HOXC4: variants seen among roughly 807,000 people sequenced by gnomAD.
HOXC4 encodes the protein homeobox protein Hox-C4.
Under a neutral mutation model 25.5 loss-of-function variants are expected in HOXC4, and 15 were observed. That is an observed-to-expected ratio of 0.59 (90% CI 0.39 to 0.91). HOXC4 has a LOEUF of 0.91. Among genes scored for constraint, HOXC4 ranks in the 40% least tolerant of loss-of-function variants. The probability of loss-of-function intolerance (pLI) is 0.00; values close to 1 mark genes in which losing one functional copy is unlikely to be tolerated. For synonymous variants in HOXC4, 165 were observed against 148.0 expected (o/e 1.11, Z -0.83); for missense variants, 342 against 352.4 (o/e 0.97, Z 0.24).
intron 1 of HOXC4, chr12:54,028,345 A>AT (rs150694870): frequency 0.042 from 25,539 of 612,648 alleles, 696 homozygotes; most frequent in Middle Eastern, 0.076. Context: ...AGCAGAAGCG[A>AT]TTTTTTTCCC....
chr12:54,034,669 T>G, intron 1 of HOXC4: 2 of 592,536 alleles, frequency 3.4e-6, no homozygotes, highest in Non-Finnish European at 6.0e-6. Context: ...CGACCCAGGG[T>G]TCCCGCGGGG....
At position 54,018,348 on chromosome 12, in the gene HOXC4, G is replaced by C. The variant is rs943542149; in HGVS notation, c.-124+934G>C. Among the ~76,000 whole-genome samples, 7 of 152,338 alleles carry C rather than the reference G, an allele frequency of 4.6e-5. No individual in the cohort carries two copies. In the East Asian group the frequency reaches 9.6e-4, roughly 21 times the overall value. On this transcript the variant is annotated intron_variant, in intron 1 of 3. Transcript: ENST00000303406. The stretch of plus-strand genomic sequence containing the variant: ...CTGGGCTAGGACCTGCCTCGCCTCG[G>C]GGGGAGGTGGAAATGGGGAAGGCCC...
intron 1 of HOXC4, among the ~76,000 whole-genome samples, chr12:54,031,128 T>C (rs994684613): frequency 2.0e-5 from 3 of 152,252 alleles, no homozygotes; most frequent in African/African-American, 4.8e-5. Flanking sequence ...CGCAGGCCTT[T>C]CTTCCTGCCT....
intron 1 of HOXC4, among the ~76,000 whole-genome samples, chr12:54,024,828 C>A (rs1182998212): frequency 6.6e-6 from 1 of 152,200 alleles, no homozygotes; most frequent in Non-Finnish European, 1.5e-5. Flanking sequence ...AGTGACTGCA[C>A]CCCACTCAGG....
chr12:54,045,308 A>AT (rs1188328023), intron 1 of HOXC4, among the ~76,000 whole-genome samples: 2 of 152,266 alleles, frequency 1.3e-5, no homozygotes, highest in Non-Finnish European at 2.9e-5. Context: ...TTATAGATCC[A>AT]TAGTGAACAT....
chr12:54,052,644 C>G (rs1207163766), upstream of HOXC4, among the ~76,000 whole-genome samples: 1 of 151,938 alleles, frequency 6.6e-6, no homozygotes, highest in Non-Finnish European at 1.5e-5. Flanking sequence ...TCACCCCCCT[C>G]CATCAGAGTA....
rs1937701313 is a variant in HOXC4 at position 54,046,226 on chromosome 12, G to T, written c.-123-6934G>T. On this transcript the variant is annotated intron_variant, in intron 1 of 3. Transcript: ENST00000303406. ...TGCGCCCAGCAGCCCCGCTCTTATC[G>T]GCTGGGATTGATGCCTCCGCGTCTC... is the stretch of plus-strand genomic sequence containing the variant. Among the ~76,000 whole-genome samples, 3 of 152,278 alleles carry T rather than the reference G, an allele frequency of 2.0e-5. No homozygotes were observed. The South Asian group carries it at 6.2e-4, about 32-fold the overall frequency.
upstream of HOXC4, among the ~76,000 whole-genome samples, chr12:54,049,007 TG>T (rs1937783085): frequency 6.6e-6 from 1 of 152,154 alleles, no homozygotes; most frequent in African/African-American, 2.4e-5. Flanking sequence ...AAGTAAAGCT[TG>T]CATCAAAGTT....
chr12:54,023,715 G>T (rs1940552466), intron 1 of HOXC4, among the ~76,000 whole-genome samples: 1 of 152,178 alleles, frequency 6.6e-6, no homozygotes, highest in Admixed American at 6.5e-5. Flanking sequence ...TCTGTGTTAG[G>T]TGTGTCAAAT....
In HOXC4 at chr12:54,054,377, T is replaced by C; in HGVS notation, c.439+16T>C. The C allele has an allele frequency of 6.6e-7, 1 of 1,511,188 alleles. No individual in the cohort carries two copies. Among genetic ancestry groups the C allele is most frequent in the East Asian group, 2.3e-5 (1 of 43,718 alleles). 93.6% of individuals were successfully genotyped at this position (1,511,188 alleles called of 1,614,324 possible). ...GTTAGCACGGGTAGGCAACTTTGCTTTTTGCTCCCCCCCTCCCTCCCTTCT... is the reference window on the plus strand; with the variant it reads ...GTTAGCACGGGTAGGCAACTTTGCTCTTTGCTCCCCCCCTCCCTCCCTTCT... On this transcript the variant is annotated intron_variant, in intron 1 of 1. Transcript: ENST00000430889.
At chr12:54,051,863 GA>G (rs1684555142), upstream of HOXC4, among the ~76,000 whole-genome samples, 1 of 152,208 alleles carries the variant, frequency 6.6e-6, no homozygotes, top group Admixed American at 6.5e-5. Flanking sequence ...GCCCTTTGGG[GA>G]AGCCCTAATT....
chr12:54,032,980 G>C (rs1941043733), intron 1 of HOXC4: 1 of 682,456 alleles, frequency 1.5e-6, no homozygotes, highest in Non-Finnish European at 2.4e-6. Flanking sequence ...TCCCTTATTT[G>C]GGAAGAGCGC....
intron 1 of HOXC4, chr12:54,028,546 T>C: frequency 6.2e-7 from 1 of 1,614,044 alleles, no homozygotes; most frequent in Non-Finnish European, 8.5e-7. Flanking sequence ...CACTAACCCT[T>C]CCTTATCCTG....
At chr12:54,050,148 C>T (rs1009702711), upstream of HOXC4, among the ~76,000 whole-genome samples, 2 of 152,154 alleles carry the variant, frequency 1.3e-5, no homozygotes, top group Non-Finnish European at 2.9e-5. Flanking sequence ...CCGCTGAGCT[C>T]TCTCAGCCGG....
chr12:54,046,870 G>A (rs1349899884), intron 1 of HOXC4, among the ~76,000 whole-genome samples: 2 of 152,128 alleles, frequency 1.3e-5, no homozygotes, highest in African/African-American at 4.8e-5. Context: ...GTGTTCCCGG[G>A]CGGAGGTGCG....
Position 54,055,019 on chromosome 12 carries a change from G to C in HOXC4, c.609G>C (p.Trp203Cys). The change falls in exon 2 of 2, where the codon TGG becomes TGC. Residue 203 changes from tryptophan to cysteine, a missense_variant. Coordinates refer to ENST00000430889, the MANE Select transcript of HOXC4 (RefSeq NM_153633.3). ...LCLSERQIKI[W>C]FQNRRMKWKK... ...TCTCTGAGAGGCAGATCAAAATCTGGTTCCAAAACCGTCGCATGAAATGGA... is the reference window on the plus strand; with the variant it reads ...TCTCTGAGAGGCAGATCAAAATCTGCTTCCAAAACCGTCGCATGAAATGGA... The C allele has an allele frequency of 1.2e-6, 2 of 1,613,912 alleles. No homozygotes were observed. The highest frequency in any genetic ancestry group is 1.7e-6 in the Non-Finnish European group (2 of 1,179,990).
intron 1 of HOXC4, chr12:54,034,471 GA>G (rs1471758389): frequency 6.2e-7 from 1 of 1,614,018 alleles, no homozygotes; most frequent in South Asian, 1.1e-5. Flanking sequence ...ATTCCAAAAT[GA>G]AAAGCAAAGA....
At chr12:54,040,652 G>A (rs2136456302) in intron 1 of HOXC4, among the ~76,000 whole-genome samples, 1 of 152,350 alleles carries the variant, frequency 6.6e-6, no homozygotes, top group African/African-American at 2.4e-5. Flanking sequence ...TGTAGTTGTA[G>A]ACTCTAAATT....
At chr12:54,017,105 C>T (rs1370583508) in exon 1 of HOXC4, 1 of 152,138 alleles carries the variant, frequency 6.6e-6, no homozygotes, top group African/African-American at 2.4e-5. Context: ...TCTCTCTCTT[C>T]CTTCCCGACC....
Sources: allele counts gnomAD v4.1 joint callset (sites outside exome capture counted in the v4.1 genomes callset), GRCh38; gene constraint gnomAD v4.1.1; transcripts MANE v1.5; gene names NCBI Gene and HGNC (gene_info 2026-07-23, HGNC 2026-07-21).